Variants in PMPCB observed in about 807,000 individuals in gnomAD.
The protein encoded by PMPCB is peptidase, mitochondrial processing subunit beta.
Under a neutral mutation model 61.5 loss-of-function variants are expected in PMPCB, and 46 were observed. The observed-to-expected ratio is 0.75, with a 90% CI of 0.59 to 0.96. The LOEUF (loss-of-function observed/expected upper bound fraction) is 0.96, where lower values mean the gene tolerates loss of function less well. Ranked by LOEUF, PMPCB falls within the 40% of genes least tolerant of loss-of-function variation. The pLI, the probability that PMPCB is intolerant of heterozygous loss-of-function variation, is 0.00. For synonymous variants in PMPCB, 191 were observed against 201.6 expected, an observed-to-expected ratio of 0.95 and a Z score of 0.44; for missense variants, 590 against 602.4, an observed-to-expected ratio of 0.98 and a Z score of 0.22.
At position 103,313,680 on chromosome 7, in the gene PMPCB, A is replaced by T; in HGVS notation, c.*1409A>T. On this transcript the variant is annotated 3_prime_UTR_variant, in exon 13 of 13. Transcript: ENST00000249269. ...TGTTCTCTTCGTCACATCTGCTAAAATCTTGGGAGCCGATGCTGAACACTT... is the reference window on the plus strand; with the variant it reads ...TGTTCTCTTCGTCACATCTGCTAAATTCTTGGGAGCCGATGCTGAACACTT... 1.0e-6 allele frequency: 1 copy of T among 985,442 alleles called. No individual in the cohort carries two copies. The highest frequency in any genetic ancestry group is 5.2e-4 in the Middle Eastern group (1 of 1,914). 61.0% of individuals were successfully genotyped at this position (985,442 alleles called of 1,614,324 possible).
intron 11 of PMPCB, 74 bp from the exon 12 acceptor site, chr7:103,311,982 A>G (rs188748486): frequency 6.5e-7 from 1 of 1,531,092 alleles, no homozygotes. Flanking sequence ...ATCTTGCTTT[A>G]GTTTTAAAAA....
In PMPCB at chr7:103,301,731, T is replaced by C. The variant is rs138366456; in HGVS notation, c.457+1424T>C. On this transcript the variant is annotated intron_variant, in intron 4 of 12. Transcript: ENST00000249269. ...CACCCTGGGTGTGAAGCCTGGTATA[T>C]GAAGTAATAATTAGATGTTTAGACT... Among the ~76,000 whole-genome samples, 71 of 152,352 alleles carry C rather than the reference T, an allele frequency of 4.7e-4. No individual in the cohort carries two copies. In the East Asian group the frequency reaches 0.013, roughly 27 times the overall value.
intron 12 of PMPCB, chr7:103,323,588 G>A: frequency 1.4e-6 from 2 of 1,462,102 alleles, no homozygotes; most frequent in Non-Finnish European, 1.8e-6. Context: ...TTAATGATTT[G>A]CATACATACC....
chr7:103,310,604 T>C, intron 9 of PMPCB, 129 bp downstream of exon 9: 1 of 621,858 alleles, frequency 1.6e-6, no homozygotes. Flanking sequence ...AAACAGTAGT[T>C]GCCATGTTTT....
At chr7:103,297,976 AT>A in intron 1 of PMPCB, 4 of 1,178,774 alleles carry the variant, frequency 3.4e-6, no homozygotes, top group Non-Finnish European at 4.3e-6. Flanking sequence ...ATGTATTTGC[AT>A]TTTTCTCATG....
At chr7:103,337,213 A>C in the PMPCB span, 1 of 152,822 alleles carries the variant, frequency 6.5e-6, no homozygotes, top group Non-Finnish European at 1.5e-5. Context: ...ATGGTGTTTT[A>C]TAAGGCATAT....
chr7:103,338,110 A>AT, the PMPCB span, among the ~76,000 whole-genome samples: 2 of 151,968 alleles, frequency 1.3e-5, no homozygotes, highest in Non-Finnish European at 2.9e-5. Flanking sequence ...CTACAAAAAA[A>AT]TTTTTAAAAA....
chr7:103,334,325 A>T (rs1819084140), downstream of PMPCB, among the ~76,000 whole-genome samples: 1 of 151,452 alleles, frequency 6.6e-6, no homozygotes, highest in Admixed American at 6.6e-5. Context: ...ACTTTGGGAG[A>T]CTGAGGCAGG....
chr7:103,323,468 T>G, intron 12 of PMPCB: 1 of 987,620 alleles, frequency 1.0e-6, no homozygotes, highest in Non-Finnish European at 1.4e-6. Flanking sequence ...TTTCAAAATA[T>G]TAAAAAATTG....
chr7:103,298,348 A>G (rs1337761801), intron 1 of PMPCB, among the ~76,000 whole-genome samples: 3 of 152,058 alleles, frequency 2.0e-5, no homozygotes, highest in African/African-American at 7.2e-5. Context: ...ATCTTCCCTG[A>G]GGGAAGGGCA....
At chr7:103,344,223 T>C in the PMPCB span, 3 of 335,560 alleles carry the variant, frequency 8.9e-6, no homozygotes, top group Non-Finnish European at 1.6e-5. Flanking sequence ...TCGCTGCGCG[T>C]AGTCTTTCCA....
chr7:103,347,445 T>C, the PMPCB span: 1 of 329,616 alleles, frequency 3.0e-6, no homozygotes. Context: ...ACCTTCACTA[T>C]ATTTGTAGAT....
At chr7:103,304,307 T>C (rs1239093698) in intron 5 of PMPCB, 104 bp from the exon 6 acceptor site, 2 of 737,854 alleles carry the variant, frequency 2.7e-6, no homozygotes, top group East Asian at 2.5e-5. Context: ...TATTTCTGAC[T>C]GCATTTTAGG....
intron 4 of PMPCB, among the ~76,000 whole-genome samples, chr7:103,303,555 C>T (rs114593617): frequency 0.014 from 2,084 of 152,214 alleles, 46 homozygotes; most frequent in African/African-American, 0.046. Context: ...ATAGAACAAT[C>T]TATATTAATA....
At chr7:103,336,765 C>A in the PMPCB span, 572 of 152,352 alleles carry the variant, frequency 3.8e-3, 4 homozygotes, top group African/African-American at 0.014. Context: ...TTTGTCTAGA[C>A]TCATGCCAGC....
rs775655718 is a variant in PMPCB at position 103,312,999 on chromosome 7, A to G, written c.*728A>G. 1.9e-6 allele frequency: 3 copies of G among 1,613,872 alleles called. No homozygotes were observed. Among genetic ancestry groups the G allele is most frequent in the South Asian group, 1.1e-5 (1 of 91,064 alleles). On this transcript the variant is annotated 3_prime_UTR_variant, in exon 13 of 13. Coordinates refer to ENST00000249269, the MANE Select transcript of PMPCB (RefSeq NM_004279.3). Reference sequence around the variant, plus strand: ...TGTCCTGCCAGGCACCGCTTCTGCTATTTTTTCCCATCTTTCAGGTGTATT... The same window carrying G: ...TGTCCTGCCAGGCACCGCTTCTGCTGTTTTTTCCCATCTTTCAGGTGTATT...
chr7:103,326,561 A>C, intron 12 of PMPCB: 1 of 1,613,750 alleles, frequency 6.2e-7, no homozygotes, highest in African/African-American at 1.3e-5. Context: ...CCTTTCAAAC[A>C]CTGGGGTAAA....
chr7:103,343,319 T>A, the PMPCB span, among the ~76,000 whole-genome samples: 3 of 152,198 alleles, frequency 2.0e-5, no homozygotes, highest in East Asian at 3.8e-4. Context: ...CTGTCTTAAT[T>A]ATTAAAATCT....
chr7:103,317,803 ACCATGC>A (rs550105913), downstream of PMPCB, among the ~76,000 whole-genome samples: 568 of 152,228 alleles, frequency 3.7e-3, 3 homozygotes, highest in African/African-American at 0.013. Flanking sequence ...GATGCCTGCC[ACCATGC>A]CCAGCTAATT....
Sources: gnomAD v4.1 joint callset for allele counts (sites outside exome capture counted in the v4.1 genomes callset) on GRCh38, gnomAD v4.1.1 for gene constraint, MANE v1.5 for transcripts, NCBI Gene and HGNC (gene_info 2026-07-23, HGNC 2026-07-21) for gene names.